ESRRG: variants seen among roughly 807,000 people sequenced by gnomAD.
ESRRG encodes estrogen-related receptor gamma.
A neutral mutation model predicts 44.0 loss-of-function variants in ESRRG; 13 were observed. The observed-to-expected ratio is 0.30, with a 90% CI of 0.19 to 0.47. ESRRG has a LOEUF of 0.47. ESRRG is among the 20% of genes least tolerant of loss of function. The probability of loss-of-function intolerance (pLI) is 1.00; values close to 1 mark genes in which losing one functional copy is unlikely to be tolerated. For synonymous variants in ESRRG, 215 were observed against 214.6 expected, an observed-to-expected ratio of 1.00 and a Z score of -0.02; for missense variants, 395 against 580.6, an observed-to-expected ratio of 0.68 and a Z score of 3.29.
chr1:217,129,436 A>C (rs2092931629), intron 1 of ESRRG, among the ~76,000 whole-genome samples: 1 of 152,240 alleles, frequency 6.6e-6, no homozygotes. Context: ...TGGTTCCTAA[A>C]CAAAGTTGGA....
chr1:216,800,822 T>C (rs995640428), intron 2 of ESRRG, among the ~76,000 whole-genome samples: 2 of 152,148 alleles, frequency 1.3e-5, no homozygotes, highest in African/African-American at 4.8e-5. Context: ...TATAAATCCA[T>C]GAGTTTATAA....
At chr1:217,105,887 C>T (rs1407375491) in intron 1 of ESRRG, among the ~76,000 whole-genome samples, 1 of 152,088 alleles carries the variant, frequency 6.6e-6, no homozygotes, top group African/African-American at 2.4e-5. Context: ...GACATAGATG[C>T]CAACAAAAAT....
intron 1 of ESRRG, among the ~76,000 whole-genome samples, chr1:216,703,665 G>GTGTGTGTGTGTGTGTGTGTA (rs2151896237): frequency 2.7e-5 from 1 of 36,598 alleles, no homozygotes; most frequent in Non-Finnish European, 4.5e-5. Context: ...ATAGATGTGT[G>GTGTGTGTGTGTGTGTGTGTA]TGTGTGTGTG....
intron 3 of ESRRG, among the ~76,000 whole-genome samples, chr1:216,619,258 C>T (rs922527998): frequency 1.3e-5 from 2 of 152,074 alleles, no homozygotes; most frequent in African/African-American, 2.4e-5. Flanking sequence ...TTAATGATTC[C>T]TATAATCAGA....
chr1:216,916,495 G>T (rs1200353344), intron 2 of ESRRG, among the ~76,000 whole-genome samples: 1 of 152,188 alleles, frequency 6.6e-6, no homozygotes, highest in Non-Finnish European at 1.5e-5. Flanking sequence ...CATGGCATTT[G>T]CCCAGGAAGA....
chr1:216,565,984 G>T (rs1036421154), intron 4 of ESRRG, among the ~76,000 whole-genome samples: 2 of 149,512 alleles, frequency 1.3e-5, no homozygotes, highest in African/African-American at 4.9e-5. Context: ...GATTCTAGTT[G>T]TTTTTTTTTT....
chr1:216,890,628 T>C (rs575150598), intron 2 of ESRRG, among the ~76,000 whole-genome samples: 5 of 152,296 alleles, frequency 3.3e-5, no homozygotes, highest in South Asian at 4.1e-4. Context: ...TTCCAATGTA[T>C]AGAAGAATAA....
chr1:216,899,736 A>C (rs1560034544), intron 2 of ESRRG, among the ~76,000 whole-genome samples: 1 of 152,186 alleles, frequency 6.6e-6, no homozygotes, highest in Non-Finnish European at 1.5e-5. Flanking sequence ...TACTGGGATG[A>C]TGCTAACATT....
chr1:217,000,677 T>C (rs1031374652), intron 1 of ESRRG: 3 of 152,206 alleles, frequency 2.0e-5, no homozygotes, highest in African/African-American at 4.8e-5. Context: ...CTCAGATGTC[T>C]CCTTGTTGCA....
At chr1:217,040,979 C>T in intron 1 of ESRRG, among the ~76,000 whole-genome samples, 1 of 152,120 alleles carries the variant, frequency 6.6e-6, no homozygotes, top group East Asian at 1.9e-4. Context: ...CAATATATCC[C>T]ATTGCCCTAT....
chr1:216,700,344 C>T (rs557828740), intron 1 of ESRRG, among the ~76,000 whole-genome samples: 5 of 152,160 alleles, frequency 3.3e-5, no homozygotes, highest in African/African-American at 9.6e-5. Context: ...AAGATGTTTC[C>T]GTGACAAATT....
intron 1 of ESRRG, among the ~76,000 whole-genome samples, chr1:217,064,418 T>A (rs1200074349): frequency 6.6e-6 from 1 of 152,174 alleles, no homozygotes; most frequent in Non-Finnish European, 1.5e-5. Context: ...TGAGGCTGAA[T>A]GATGCTAAGT....
intron 1 of ESRRG, among the ~76,000 whole-genome samples, chr1:217,094,764 T>A (rs554620053): frequency 6.6e-6 from 1 of 152,202 alleles, no homozygotes; most frequent in Admixed American, 6.5e-5. Flanking sequence ...AAGAGCAGAA[T>A]TGAGTTGGCT....
At chr1:217,000,473 T>C (rs2076883720) in intron 1 of ESRRG, 2 of 152,190 alleles carry the variant, frequency 1.3e-5, no homozygotes, top group Non-Finnish European at 2.9e-5. Context: ...ACATAAGATA[T>C]ATTGAACTAG....
chr1:216,605,628 GTAA>G (rs1302842684), intron 3 of ESRRG, among the ~76,000 whole-genome samples: 6 of 152,060 alleles, frequency 3.9e-5, no homozygotes, highest in African/African-American at 1.4e-4. Context: ...CAAGATTAAG[GTAA>G]TAATAACAAA....
chr1:216,960,549 A>C (rs141616040), intron 1 of ESRRG, among the ~76,000 whole-genome samples: 1 of 151,680 alleles, frequency 6.6e-6, no homozygotes, highest in Non-Finnish European at 1.5e-5. Flanking sequence ...TTGTTTTCTC[A>C]TTCAATACTA....
intron 2 of ESRRG, among the ~76,000 whole-genome samples, chr1:216,655,643 A>G (rs1004055277): frequency 2.6e-5 from 4 of 152,192 alleles, no homozygotes; most frequent in Admixed American, 6.5e-5. Context: ...CTCTTTCACA[A>G]ATATTTTCTT....
At chr1:216,639,903 A>G (rs1000278677) in intron 3 of ESRRG, among the ~76,000 whole-genome samples, 1 of 152,220 alleles carries the variant, frequency 6.6e-6, no homozygotes, top group African/African-American at 2.4e-5. Context: ...TTAAAATAGC[A>G]GAAGTCCTGA....
chr1:216,852,354 T>C (rs189108957), intron 2 of ESRRG, among the ~76,000 whole-genome samples: 1 of 152,270 alleles, frequency 6.6e-6, no homozygotes, highest in East Asian at 1.9e-4. Flanking sequence ...AGCAGGACAT[T>C]GTATAGGAAA....
Sources: gnomAD v4.1 joint callset for allele counts (sites outside exome capture counted in the v4.1 genomes callset) on GRCh38, gnomAD v4.1.1 for gene constraint, MANE v1.5 for transcripts, NCBI Gene and HGNC (gene_info 2026-07-23, HGNC 2026-07-21) for gene names.